Variants in RANBP2 observed in about 807,000 individuals in gnomAD.
RANBP2 encodes the protein E3 SUMO-protein ligase RanBP2.
RANBP2 carries 57 observed loss-of-function variants against 303.6 expected under a neutral mutation model. The observed-to-expected ratio is 0.19, with a 90% CI of 0.15 to 0.23. The LOEUF is 0.23. Ranked by LOEUF, RANBP2 falls within the 10% of genes least tolerant of loss-of-function variation. The pLI, the probability that RANBP2 is intolerant of heterozygous loss-of-function variation, is 1.00. For synonymous variants in RANBP2, 1,167 were observed against 1,301.5 expected (o/e 0.90, Z 2.23); for missense variants, 3,138 against 3,780.8 (o/e 0.83, Z 4.46).
the RANBP2 span, among the ~76,000 whole-genome samples, chr2:109,713,925 C>T: frequency 6.6e-6 from 1 of 152,188 alleles, no homozygotes; most frequent in Non-Finnish European, 1.5e-5. Flanking sequence ...CTCCAGGGGA[C>T]ACCAGCTGGA....
the RANBP2 span, among the ~76,000 whole-genome samples, chr2:109,729,074 T>A: frequency 6.6e-6 from 1 of 152,182 alleles, no homozygotes; most frequent in Admixed American, 6.5e-5. Context: ...AGCTCTGCCA[T>A]GTGAAGATAG....
At chr2:109,269,808 C>A in the RANBP2 span, among the ~76,000 whole-genome samples, 2 of 152,132 alleles carry the variant, frequency 1.3e-5, no homozygotes, top group African/African-American at 4.8e-5. Context: ...TACCAAGATA[C>A]TTGTGCATTT....
the RANBP2 span, among the ~76,000 whole-genome samples, chr2:109,013,667 C>T: frequency 2.0e-5 from 3 of 151,432 alleles, no homozygotes; most frequent in African/African-American, 7.3e-5. Context: ...GGAACCTCTG[C>T]CTCCTGGGCT....
At chr2:108,909,066 C>T in the RANBP2 span, among the ~76,000 whole-genome samples, 1 of 152,150 alleles carries the variant, frequency 6.6e-6, no homozygotes, top group African/African-American at 2.4e-5. Context: ...AGCTCAGTGC[C>T]TTGCTGTCTT....
chr2:109,518,761 G>T, the RANBP2 span, among the ~76,000 whole-genome samples: 2 of 152,022 alleles, frequency 1.3e-5, no homozygotes, highest in African/African-American at 4.8e-5. Flanking sequence ...TATAAAGAAA[G>T]GGGGTTTATT....
chr2:109,732,944 G>T, the RANBP2 span: 1 of 665,846 alleles, frequency 1.5e-6, no homozygotes, highest in Non-Finnish European at 2.8e-6. Context: ...ACTGTCAAAC[G>T]GTGAAAAAAG....
At chr2:109,123,127 A>G in the RANBP2 span, among the ~76,000 whole-genome samples, 6 of 152,108 alleles carry the variant, frequency 3.9e-5, no homozygotes, top group Non-Finnish European at 7.4e-5. Context: ...GGCATCAGAG[A>G]GGAGTGGTGA....
chr2:109,173,790 G>C, the RANBP2 span, among the ~76,000 whole-genome samples: 1 of 152,194 alleles, frequency 6.6e-6, no homozygotes. Flanking sequence ...GCTCAGTGTC[G>C]GCCCCTGACC....
Position 108,782,099 on chromosome 2 carries a change from C to T in RANBP2, c.8761-29C>T. The T allele has an allele frequency of 1.9e-6, 3 of 1,611,430 alleles. No individual in the cohort carries two copies. The South Asian group carries it at 3.3e-5, about 18-fold the overall frequency. On this transcript the variant is annotated intron_variant, in intron 26 of 28. Coordinates refer to ENST00000283195, the MANE Select transcript of RANBP2 (RefSeq NM_006267.5). ...TCATGGAATTTATTATAAGCAGCAG[C>T]TTATAGAGAATTTCATCTCCTATTA... is the stretch of plus-strand genomic sequence containing the variant.
chr2:109,120,584 C>T, the RANBP2 span, among the ~76,000 whole-genome samples: 1 of 149,808 alleles, frequency 6.7e-6, no homozygotes, highest in Admixed American at 6.7e-5. Flanking sequence ...TTCCAGTTCA[C>T]GTCCATCAAA....
At chr2:108,932,258 G>A in the RANBP2 span, among the ~76,000 whole-genome samples, 2 of 152,158 alleles carry the variant, frequency 1.3e-5, no homozygotes, top group Non-Finnish European at 2.9e-5. Flanking sequence ...GCTGAGCGCG[G>A]TGGCTCACAC....
chr2:109,598,866 T>TGAG, the RANBP2 span, among the ~76,000 whole-genome samples: 1 of 150,302 alleles, frequency 6.7e-6, no homozygotes, highest in Non-Finnish European at 1.5e-5. Context: ...GGTGACAGAG[T>TGAG]GAGACTAGGT....
the RANBP2 span, among the ~76,000 whole-genome samples, chr2:109,005,680 C>A: frequency 6.6e-6 from 1 of 152,220 alleles, no homozygotes; most frequent in Admixed American, 6.5e-5. Flanking sequence ...ACAGCTCTTA[C>A]AACCAGCGTT....
At chr2:109,370,526 A>G in the RANBP2 span, among the ~76,000 whole-genome samples, 15 of 152,026 alleles carry the variant, frequency 9.9e-5, no homozygotes, top group Admixed American at 9.8e-4. Context: ...GGCATGAGCC[A>G]CCGCGCCCGG....
At chr2:109,007,988 A>G in the RANBP2 span, among the ~76,000 whole-genome samples, 1 of 152,172 alleles carries the variant, frequency 6.6e-6, no homozygotes, top group African/African-American at 2.4e-5. Context: ...TTCTTCTTCT[A>G]TGTTTAAACA....
the RANBP2 span, among the ~76,000 whole-genome samples, chr2:109,108,302 G>T: frequency 3.9e-5 from 6 of 152,260 alleles, no homozygotes; most frequent in South Asian, 1.2e-3. Flanking sequence ...GCCTCCCAAA[G>T]TGCTGGGATT....
chr2:108,745,898 A>G (rs1166981790), intron 7 of RANBP2, among the ~76,000 whole-genome samples: 2 of 139,630 alleles, frequency 1.4e-5, no homozygotes, highest in Non-Finnish European at 3.0e-5. Flanking sequence ...TGCTCTGTGT[A>G]TGCTTTTTTT....
chr2:109,631,765 A>AC, the RANBP2 span, among the ~76,000 whole-genome samples: 1 of 150,292 alleles, frequency 6.7e-6, no homozygotes, highest in Non-Finnish European at 1.5e-5. Context: ...TAAAAAAAAA[A>AC]GAAAAAGAAA....
At chr2:109,609,275 T>G in the RANBP2 span, among the ~76,000 whole-genome samples, 2 of 152,170 alleles carry the variant, frequency 1.3e-5, no homozygotes, top group African/African-American at 4.8e-5. Flanking sequence ...ATAACATACT[T>G]TCCATATAAA....
Sources: allele counts gnomAD v4.1 joint callset (sites outside exome capture counted in the v4.1 genomes callset), GRCh38; gene constraint gnomAD v4.1.1; transcripts MANE v1.5; gene names NCBI Gene and HGNC (gene_info 2026-07-23, HGNC 2026-07-21).